The following WDR62 variants were observed in gnomAD, a reference collection of about 807,000 sequenced individuals.
WDR62 encodes the protein WD repeat domain 62.
In WDR62, 112 loss-of-function variants were observed where a neutral mutation model predicts 160.6. That is an observed-to-expected ratio of 0.70 (90% CI 0.60 to 0.82). The LOEUF is 0.82. Among genes scored for constraint, WDR62 ranks in the 40% least tolerant of loss-of-function variants. WDR62 has a pLI of 0.00. For synonymous variants in WDR62, 792 were observed against 815.1 expected, an observed-to-expected ratio of 0.97 and a Z score of 0.48; for missense variants, 1,819 against 1,983.8, an observed-to-expected ratio of 0.92 and a Z score of 1.58.
intron 19 of WDR62, among the ~76,000 whole-genome samples, 192 bp downstream of exon 19, chr19:36,093,003 T>A (rs938584594): frequency 1.5e-4 from 23 of 152,236 alleles, no homozygotes; most frequent in Admixed American, 1.4e-3. Context: ...TGGATTTTTT[T>A]AATTTTCGTA....
chr19:36,098,690 G>A (rs1198259480), intron 21 of WDR62, among the ~76,000 whole-genome samples: 1 of 152,228 alleles, frequency 6.6e-6, no homozygotes, highest in Non-Finnish European at 1.5e-5. Context: ...ATCTTTAGGA[G>A]GAGCAGGTTT....
At chr19:36,110,567 T>A in the WDR62 span, among the ~76,000 whole-genome samples, 10 of 152,190 alleles carry the variant, frequency 6.6e-5, no homozygotes, top group African/African-American at 2.4e-4. Flanking sequence ...GGCTAGATTA[T>A]TAACAAACTA....
chr19:36,071,829 C>T, intron 8 of WDR62, 113 bp downstream of exon 8: 1 of 1,363,414 alleles, frequency 7.3e-7, no homozygotes, highest in Non-Finnish European at 9.8e-7. Flanking sequence ...AAATACCCAT[C>T]ATGACTCTCA....
intron 21 of WDR62, 61 bp downstream of exon 21, chr19:36,097,140 C>A: frequency 6.5e-7 from 1 of 1,536,376 alleles, no homozygotes. Flanking sequence ...CCCAGCTCTG[C>A]CTTCTGGAAG....
intron 7 of WDR62, 98 bp downstream of exon 7, chr19:36,068,108 T>C: frequency 2.1e-6 from 3 of 1,421,754 alleles, no homozygotes; most frequent in East Asian, 2.5e-5. Flanking sequence ...GTTCTGCTTA[T>C]GTGACTAGTG....
Position 36,085,535 on chromosome 19 carries a change from G to A in WDR62, c.1642+791G>A, listed in dbSNP as rs568749436. 1.3e-4 allele frequency among the ~76,000 whole-genome samples: 19 copies of A among 150,196 alleles called. No homozygotes were observed. The East Asian group carries it at 2.4e-3, about 19-fold the overall frequency. The stretch of plus-strand genomic sequence containing the variant: ...TCCCAGGTTGAAGCGATTCCCCTGC[G>A]TTCAAGCGATTCTCCTGCCTCAGCC... On this transcript the variant is annotated intron_variant, in intron 12 of 31. Transcript: ENST00000401500.
intron 9 of WDR62, among the ~76,000 whole-genome samples, chr19:36,080,160 T>G (rs551133386): frequency 2.0e-5 from 3 of 152,070 alleles, no homozygotes; most frequent in South Asian, 2.1e-4. Flanking sequence ...CAGGCTGGAG[T>G]GCAGTGGCGT....
intron 20 of WDR62, among the ~76,000 whole-genome samples, chr19:36,096,354 C>T (rs1310638752): frequency 1.3e-5 from 2 of 152,168 alleles, no homozygotes; most frequent in African/African-American, 4.8e-5. Flanking sequence ...CCTCCCACCT[C>T]GACCTCTCAA....
intron 13 of WDR62, 111 bp from the exon 14 acceptor site, chr19:36,088,927 G>GC: frequency 2.4e-6 from 3 of 1,245,210 alleles, no homozygotes; most frequent in Non-Finnish European, 3.5e-6. Flanking sequence ...CCTTTAGGAA[G>GC]CCTTGATCCC....
At chr19:36,073,567 C>A in intron 9 of WDR62, 36 bp downstream of exon 9, 2 of 1,354,150 alleles carry the variant, frequency 1.5e-6, no homozygotes, top group Non-Finnish European at 2.0e-6. Context: ...CCCTGCTTGG[C>A]CTCTGCACAG....
At chr19:36,099,042 C>CA in intron 21 of WDR62, among the ~76,000 whole-genome samples, 1 of 152,008 alleles carries the variant, frequency 6.6e-6, no homozygotes, top group South Asian at 2.1e-4. Flanking sequence ...GCCAACATGG[C>CA]AAAACCCCAT....
chr19:36,068,428 G>A (rs561323756), intron 7 of WDR62, among the ~76,000 whole-genome samples: 80 of 152,186 alleles, frequency 5.3e-4, no homozygotes, highest in Admixed American at 5.2e-3. Context: ...AGGGTCTTAG[G>A]ACAATAGTGG....
In WDR62 at chr19:36,084,774, T is replaced by C. The variant is rs769544124; in HGVS notation, c.1642+30T>C. 17 of 1,601,806 alleles carry C rather than the reference T, an allele frequency of 1.1e-5. No homozygotes were observed. The East Asian group carries it at 3.6e-4, about 34-fold the overall frequency. On this transcript the variant is annotated intron_variant, in intron 12 of 31. Coordinates refer to ENST00000401500, the MANE Select transcript of WDR62 (RefSeq NM_001083961.2). Reference sequence around the variant, plus strand: ...GCCCGCAGCAGGGGTGGAATGGGGGTCAGGCAGGGAGGCAGCCCCCCTGGC... The same window carrying C: ...GCCCGCAGCAGGGGTGGAATGGGGGCCAGGCAGGGAGGCAGCCCCCCTGGC...
At chr19:36,102,881 C>T in intron 27 of WDR62, 30 bp downstream of exon 27, 1 of 1,614,178 alleles carries the variant, frequency 6.2e-7, no homozygotes, top group Non-Finnish European at 8.5e-7. Flanking sequence ...TGCCCACCCT[C>T]TGGCTCCTCA....
intron 1 of WDR62, among the ~76,000 whole-genome samples, chr19:36,058,219 G>T (rs981073151): frequency 6.6e-6 from 1 of 152,156 alleles, no homozygotes; most frequent in African/African-American, 2.4e-5. Flanking sequence ...GGACATGGTG[G>T]CATGTGCCTG....
intron 30 of WDR62, 83 bp downstream of exon 30, chr19:36,104,064 C>T: frequency 1.3e-6 from 2 of 1,540,606 alleles, no homozygotes; most frequent in East Asian, 2.3e-5. Flanking sequence ...GGATACTTGA[C>T]CTGGCCACAG....
chr19:36,090,388 A>C, intron 15 of WDR62, 57 bp from the exon 16 acceptor site: 1 of 1,546,132 alleles, frequency 6.5e-7, no homozygotes, highest in Non-Finnish European at 8.9e-7. Context: ...GAGCCAGAGA[A>C]TGAGGTGGTG....
chr19:36,088,934 T>TC, intron 13 of WDR62, 104 bp from the exon 14 acceptor site: 3 of 1,332,424 alleles, frequency 2.3e-6, no homozygotes, highest in Non-Finnish European at 1.1e-6. Context: ...GAAGCCTTGA[T>TC]CCCAGCACAG....
At chr19:36,091,723 C>T (rs1347204992) in intron 18 of WDR62, among the ~76,000 whole-genome samples, 1 of 150,152 alleles carries the variant, frequency 6.7e-6, no homozygotes. Context: ...ATAGCAAAAC[C>T]CTATCTCTAC....
Sources: allele counts gnomAD v4.1 joint callset (sites outside exome capture counted in the v4.1 genomes callset), GRCh38; gene constraint gnomAD v4.1.1; transcripts MANE v1.5; gene names NCBI Gene and HGNC (gene_info 2026-07-23, HGNC 2026-07-21).